Variants in KCNQ2 observed in about 807,000 individuals in gnomAD.
KCNQ2 encodes the protein potassium voltage-gated channel subfamily Q member 2.
A neutral mutation model predicts 84.8 loss-of-function variants in KCNQ2; 14 were observed. The ratio of observed to expected loss-of-function variants is 0.17; its 90% CI spans 0.11 to 0.26. The LOEUF is 0.26. Ranked by LOEUF, KCNQ2 falls within the 10% of genes least tolerant of loss-of-function variation. KCNQ2 has a pLI of 1.00. For missense variants in KCNQ2, 788 were observed against 1,254.0 expected, an observed-to-expected ratio of 0.63 and a Z score of 5.61; for synonymous variants, 599 against 554.1, an observed-to-expected ratio of 1.08 and a Z score of -1.14.
chr20:63,408,192 G>C lies in KCNQ2; in HGVS notation c.1887+221C>G, dbSNP rs980243834. On this transcript the variant is annotated intron_variant, in intron 16 of 16. Coordinates refer to ENST00000359125, the MANE Select transcript of KCNQ2 (RefSeq NM_172107.4). This position sits in a 1 kb window ranked among gnomAD's most constrained non-coding sequence, Gnocchi z 5.0. ...AGGACTCCTGGGGACTTTGGCCCTT[G>C]GGTACTGTCAGGAGGGAAGGCACCC... The C allele has an allele frequency of 2.1e-5, 12 of 580,356 alleles. No individual in the cohort carries two copies. The highest frequency in any genetic ancestry group is 2.1e-4 in the African/African-American group (11 of 53,274). 36.0% of individuals were successfully genotyped at this position (580,356 alleles called of 1,614,324 possible).
chr20:63,441,846 G>A (rs1254034017), intron 5 of KCNQ2, among the ~76,000 whole-genome samples: 4 of 152,240 alleles, frequency 2.6e-5, no homozygotes, highest in Admixed American at 1.3e-4. Context: ...CCGCAGGGCT[G>A]AGCCCACTCA....
At chr20:63,470,412 T>C (rs2082187821) in intron 1 of KCNQ2, among the ~76,000 whole-genome samples, 1 of 152,136 alleles carries the variant, frequency 6.6e-6, no homozygotes, top group Non-Finnish European at 1.5e-5. Flanking sequence ...AAGAGACGGC[T>C]CAGACCCCAC....
intron 2 of KCNQ2, chr20:63,445,597 A>G: frequency 1.0e-5 from 1 of 95,888 alleles, no homozygotes; most frequent in Non-Finnish European, 1.7e-5. Flanking sequence ...CCATGGGGCC[A>G]CCCTCCCCAC....
At chr20:63,411,601 G>T (rs1382728337) in intron 15 of KCNQ2, among the ~76,000 whole-genome samples, 1 of 152,186 alleles carries the variant, frequency 6.6e-6, no homozygotes, top group Non-Finnish European at 1.5e-5. Context: ...AGCCTGCCTG[G>T]GGCCCTGGTG....
intron 4 of KCNQ2, among the ~76,000 whole-genome samples, chr20:63,443,104 AT>A (rs1470081941): frequency 2.0e-5 from 2 of 100,116 alleles, no homozygotes; most frequent in African/African-American, 3.9e-5. Context: ...CACCATCACC[AT>A]CACCACCACC....
In KCNQ2 at chr20:63,424,192, G is replaced by C. The variant is rs754682495; in HGVS notation, c.1232C>G (p.Pro411Arg). Residue 411 changes from proline to arginine, a missense_variant, in exon 11 of 17, where the codon CCG becomes CGG. Physicochemically the swap from Pro to Arg is moderately radical, Grantham distance 103. Around this residue, in one of 8 missense-constraint regions of KCNQ2, gnomAD observed 202 missense variants for 239.4 expected, o/e 0.84. Coordinates refer to ENST00000359125, the MANE Select transcript of KCNQ2 (RefSeq NM_172107.4). Reference protein sequence around the residue: ...SGLAFRKDPPPEPSPSKGSPC... With the variant: ...SGLAFRKDPPREPSPSKGSPC... Reference sequence around the variant, plus strand: ...GGGCACTGACCTTGGAGACGGCTCCGGCGGGGGGTCCTTCCTTCAAACAGA... The same window carrying C: ...GGGCACTGACCTTGGAGACGGCTCCCGCGGGGGGTCCTTCCTTCAAACAGA... The C allele has an allele frequency of 1.9e-6, 3 of 1,556,060 alleles. No individual in the cohort carries two copies. Among genetic ancestry groups the C allele is most frequent in the Non-Finnish European group, 1.7e-6 (2 of 1,149,140 alleles).
chr20:63,402,354 GC>G lies in KCNQ2; in HGVS notation c.*4289del, dbSNP rs1382724179. On this transcript the variant is annotated 3_prime_UTR_variant, in exon 17 of 17. Transcript: ENST00000359125. ...AACCTGTGATCTTGCCAATGCCCCA[GC>G]CTCTGCTCTGTACGGCATTCATAGC... 1 of 156,296 alleles carries G rather than the reference GC, an allele frequency of 6.4e-6. No individual in the cohort carries two copies. The highest frequency in any genetic ancestry group is 2.4e-5 in the African/African-American group (1 of 41,504). The allele number at this position is 156,296 out of a possible 1,614,324, so 9.7% of individuals were successfully genotyped here.
chr20:63,410,518 G>C (rs1485088540), intron 15 of KCNQ2, among the ~76,000 whole-genome samples: 2 of 152,222 alleles, frequency 1.3e-5, no homozygotes, highest in Admixed American at 6.5e-5. Context: ...CTTGCGGCAA[G>C]GCACAGGAGG....
rs1396502704 is a variant in KCNQ2, at chr20:63,414,197, G to A, written c.1526-4C>T. The A allele has an allele frequency of 3.0e-5, 49 of 1,610,506 alleles. No individual in the cohort carries two copies. The highest frequency in any genetic ancestry group is 4.0e-5 in the Non-Finnish European group (47 of 1,177,440). ...TCCTCTCCGGGGAGGCTTGCTTCTG[G>A]GGGGAAGGAGACAGGCCGTGAGGGG... On this transcript the variant is annotated splice_polypyrimidine_tract_variant and splice_region_variant and intron_variant, in intron 13 of 16. Coordinates refer to ENST00000359125, the MANE Select transcript of KCNQ2 (RefSeq NM_172107.4). This position sits in a 1 kb window ranked among gnomAD's most constrained non-coding sequence, Gnocchi z 6.6.
At position 63,408,644 on chromosome 20, in the gene KCNQ2, C is replaced by T; in HGVS notation, c.1764-108G>A. On this transcript the variant is annotated intron_variant, in intron 15 of 16. Coordinates refer to ENST00000359125, the MANE Select transcript of KCNQ2 (RefSeq NM_172107.4). This position sits in a 1 kb window ranked among gnomAD's most constrained non-coding sequence, Gnocchi z 5.0. Reference sequence around the variant, plus strand: ...TGCCCCTGGGTCTAGGCTGCAGGCTCAGCCCAGAGCCGACCAGGGGGCAGT... The same window carrying T: ...TGCCCCTGGGTCTAGGCTGCAGGCTTAGCCCAGAGCCGACCAGGGGGCAGT... The T allele has an allele frequency of 6.6e-7, 1 of 1,516,252 alleles. No homozygotes were observed. The highest frequency in any genetic ancestry group is 8.9e-7 in the Non-Finnish European group (1 of 1,124,576). The allele number at this position is 1,516,252 out of a possible 1,614,324, so 93.9% of individuals were successfully genotyped here. A position where few individuals can be genotyped will look rare whatever the true frequency, so the allele number is the denominator to read the frequency against.
At chr20:63,432,765 T>TCCACCCTCAGGGAAGGCC (rs1568914465) in intron 8 of KCNQ2, among the ~76,000 whole-genome samples, 5 of 54,302 alleles carry the variant, frequency 9.2e-5, no homozygotes, top group Admixed American at 1.9e-4. Flanking sequence ...CAGGGAAGGC[T>TCCACCCTCAGGGAAGGCC]CCACCCTCAG....
intron 1 of KCNQ2, among the ~76,000 whole-genome samples, chr20:63,467,489 T>C (rs1486279799): frequency 6.6e-6 from 1 of 152,152 alleles, no homozygotes; most frequent in East Asian, 1.9e-4. Flanking sequence ...ATGTCATTCC[T>C]ATGGGGCTGA....
intron 12 of KCNQ2, among the ~76,000 whole-genome samples, chr20:63,418,681 G>A (rs1479111812): frequency 1.3e-5 from 2 of 152,212 alleles, no homozygotes; most frequent in African/African-American, 4.8e-5. Context: ...GCCCCAGCAG[G>A]CCATGCCCCA....
Position 63,419,650 on chromosome 20 carries a change from GC to G in KCNQ2, c.1269del (p.Leu425CysfsTer15). On this transcript the variant is annotated frameshift_variant, in exon 12 of 17. Transcript: ENST00000359125. LOFTEE classifies it high-confidence loss of function. ...PSPSKGSPCR[G>X]PLCGCCPGRS... ...CGTCCGGGGCAGCATCCACACAGGGGCCCTCTGCACGGGCTGCCTTTACTGG... is the reference window on the plus strand; with the variant it reads ...CGTCCGGGGCAGCATCCACACAGGGGCCTCTGCACGGGCTGCCTTTACTGG... 6.2e-7 allele frequency: 1 copy of G among 1,611,616 alleles called. No homozygotes were observed. The highest frequency in any genetic ancestry group is 8.5e-7 in the Non-Finnish European group (1 of 1,179,592).
Position 63,406,995 on chromosome 20 carries a change from G to A in KCNQ2, c.2268C>T (p.Gly756=), listed in dbSNP as rs747021175. 1.5e-5 allele frequency: 23 copies of A among 1,539,910 alleles called. No individual in the cohort carries two copies. Among genetic ancestry groups the A allele is most frequent in the Middle Eastern group, 1.7e-4 (1 of 5,806 alleles). The stretch of plus-strand genomic sequence containing the variant: ...ACTCCATGCTGGCGCGGTTGCCCCC[G>A]CCGTAGGCGGACAGCGACCGCTCGT... The part of the protein sequence containing the change: ...PAHERSLSAY[G]GGNRASMEFL... The change falls in exon 17 of 17, where the codon GGC becomes GGT. Residue 756 remains glycine (G), a synonymous_variant. Coordinates refer to ENST00000359125, the MANE Select transcript of KCNQ2 (RefSeq NM_172107.4).
At chr20:63,455,896 T>C (rs1355869156) in intron 1 of KCNQ2, among the ~76,000 whole-genome samples, 3 of 100,060 alleles carry the variant, frequency 3.0e-5, no homozygotes, top group African/African-American at 1.4e-4. Flanking sequence ...ACCCCTGTGC[T>C]CACGGGCCCC....
chr20:63,468,195 G>C (rs540989637), intron 1 of KCNQ2, among the ~76,000 whole-genome samples: 1 of 152,314 alleles, frequency 6.6e-6, no homozygotes, highest in South Asian at 2.1e-4. Context: ...AACTCTCCGA[G>C]GCTTCTTCAC....
At chr20:63,434,339 G>A (rs2080924103) in intron 7 of KCNQ2, 2 of 190,524 alleles carry the variant, frequency 1.0e-5, no homozygotes, top group Non-Finnish European at 2.1e-5. Flanking sequence ...CTCCCAGGGC[G>A]GGGACTCAGC....
chr20:63,400,271 G>A lies in KCNQ2; in HGVS notation c.*6373C>T, dbSNP rs1003075228. ...CCACCTGGCGTCCGAACTCGTCCCC[G>A]TGGCAGCAGGGATCCCCAGAACCTT... On this transcript the variant is annotated 3_prime_UTR_variant, in exon 17 of 17. Transcript: ENST00000359125. This position sits in a 1 kb window ranked among gnomAD's most constrained non-coding sequence, Gnocchi z 8.7. 5 of 216,186 alleles carry A rather than the reference G, an allele frequency of 2.3e-5. No individual in the cohort carries two copies. Among genetic ancestry groups the A allele is most frequent in the Middle Eastern group, 1.4e-3 (1 of 708 alleles). The allele number at this position is 216,186 out of a possible 1,614,324, so 13.4% of individuals were successfully genotyped here. A position where few individuals can be genotyped will look rare whatever the true frequency, so the allele number is the denominator to read the frequency against.
Sources: allele counts gnomAD v4.1 joint callset (sites outside exome capture counted in the v4.1 genomes callset), GRCh38; gene constraint gnomAD v4.1.1; regional missense constraint gnomAD v4.1.1; non-coding constraint Gnocchi (gnomAD v3.1); transcripts MANE v1.5; gene names NCBI Gene and HGNC (gene_info 2026-07-23, HGNC 2026-07-21).